The following EPB41L1 variants were observed in gnomAD, a reference collection of about 807,000 sequenced individuals.
The protein encoded by EPB41L1 is band 4.1-like protein 1.
EPB41L1 carries 29 observed loss-of-function variants against 97.8 expected under a neutral mutation model. The ratio of observed to expected loss-of-function variants is 0.30; its 90% CI spans 0.22 to 0.40. The LOEUF is 0.40. EPB41L1 is among the 10% of genes least tolerant of loss of function. The pLI, the probability that EPB41L1 is intolerant of heterozygous loss-of-function variation, is 1.00. For missense variants in EPB41L1, 812 were observed against 1,162.3 expected (o/e 0.70, Z 4.38); for synonymous variants, 383 against 459.2 (o/e 0.83, Z 2.12).
At chr20:36,126,116 C>T (rs1026586547) in intron 2 of EPB41L1, among the ~76,000 whole-genome samples, 4 of 152,066 alleles carry the variant, frequency 2.6e-5, no homozygotes, top group African/African-American at 9.7e-5. Context: ...CCCTGAGAAA[C>T]CTCTCTTTTA....
intron 11 of EPB41L1, among the ~76,000 whole-genome samples, chr20:36,193,546 G>A (rs1394985935): frequency 1.3e-5 from 2 of 152,136 alleles, no homozygotes; most frequent in African/African-American, 4.8e-5. Flanking sequence ...TGCGTGATGC[G>A]AAGTCTAGTT....
Position 36,195,449 on chromosome 20 carries a change from A to T in EPB41L1, c.1485+85A>T. On this transcript the variant is annotated intron_variant, in intron 13 of 21. Coordinates refer to ENST00000338074, the MANE Select transcript of EPB41L1 (RefSeq NM_012156.2). This position sits in a 1 kb window ranked among gnomAD's most constrained non-coding sequence, Gnocchi z 4.6. The stretch of plus-strand genomic sequence containing the variant: ...CCATCCCACAGTCCATCCCAGGCTC[A>T]CTTCCCTGGCACCATCTCAGCTTCA... The T allele has an allele frequency of 1.3e-6, 2 of 1,495,984 alleles. No individual in the cohort carries two copies. Among genetic ancestry groups the T allele is most frequent in the Non-Finnish European group, 9.3e-7 (1 of 1,075,230 alleles). 92.7% of individuals were successfully genotyped at this position (1,495,984 alleles called of 1,614,324 possible). A position where few individuals can be genotyped will look rare whatever the true frequency, so the allele number is the denominator to read the frequency against.
intron 1 of EPB41L1, 147 bp from the exon 2 acceptor site, chr20:36,173,615 CCT>C (rs2061089728): frequency 1.4e-6 from 1 of 733,784 alleles, no homozygotes; most frequent in East Asian, 2.7e-5. Context: ...CTCCCCACTT[CCT>C]CTGTCTCTCC....
chr20:36,107,754 G>A lies in EPB41L1; in HGVS notation c.-64-4672G>A, dbSNP rs548026935. Reference sequence around the variant, plus strand: ...TGAGGCAGGAGAATTGCTGGAACCTGGGAGGTGGAGATTGCAGTGAGCTGA... The same window carrying A: ...TGAGGCAGGAGAATTGCTGGAACCTAGGAGGTGGAGATTGCAGTGAGCTGA... On this transcript the variant is annotated intron_variant, in intron 1 of 19. Coordinates refer to the EPB41L1 transcript ENST00000202028. Among the ~76,000 whole-genome samples the A allele has an allele frequency of 3.3e-5, 5 of 151,792 alleles. No homozygotes were observed. In the East Asian group the frequency reaches 8.0e-4, roughly 24 times the overall value.
upstream of EPB41L1, chr20:36,149,872 A>T (rs1323745506): frequency 6.6e-6 from 1 of 152,280 alleles, no homozygotes; most frequent in Non-Finnish European, 1.5e-5. Flanking sequence ...GCCTTTTCTG[A>T]TCCCTATGGG....
chr20:36,150,300 A>C (rs1230245720), upstream of EPB41L1: 1 of 152,122 alleles, frequency 6.6e-6, no homozygotes, highest in Non-Finnish European at 1.5e-5. Context: ...CGAACTCCTG[A>C]CCTCAGGTAA....
At chr20:36,229,180 C>A in intron 21 of EPB41L1, 152 bp from the exon 22 acceptor site, 2 of 667,944 alleles carry the variant, frequency 3.0e-6, no homozygotes, top group South Asian at 3.6e-5. Context: ...CTTGCTGAGT[C>A]ACAATAAAGG....
chr20:36,160,512 A>G (rs1451910750), intron 1 of EPB41L1, among the ~76,000 whole-genome samples: 1 of 151,974 alleles, frequency 6.6e-6, no homozygotes, highest in Non-Finnish European at 1.5e-5. Context: ...TTGCACCCGG[A>G]AGGCAGAGGT....
At chr20:36,113,606 A>T (rs1569037473) in intron 2 of EPB41L1, 1 of 152,410 alleles carries the variant, frequency 6.6e-6, no homozygotes, top group Non-Finnish European at 1.5e-5. Flanking sequence ...AGCTCGGTTA[A>T]AAGGAGCGAT....
At chr20:36,176,903 A>G (rs2061262096) in intron 3 of EPB41L1, among the ~76,000 whole-genome samples, 1 of 152,118 alleles carries the variant, frequency 6.6e-6, no homozygotes, top group African/African-American at 2.4e-5. Context: ...AAGTGCTGGG[A>G]TTACAGGCAT....
At chr20:36,133,883 A>G (rs1173074193) in intron 2 of EPB41L1, among the ~76,000 whole-genome samples, 1 of 151,916 alleles carries the variant, frequency 6.6e-6, no homozygotes, top group Non-Finnish European at 1.5e-5. Flanking sequence ...AGTAACAATA[A>G]TATCCATCAT....
chr20:36,095,005 C>T (rs1601180114), intron 1 of EPB41L1, among the ~76,000 whole-genome samples: 1 of 151,396 alleles, frequency 6.6e-6, no homozygotes, highest in East Asian at 1.9e-4. Context: ...GAGTTTCACT[C>T]TTGTCGCCTA....
chr20:36,103,888 TAG>T (rs2058103186), intron 1 of EPB41L1, among the ~76,000 whole-genome samples: 1 of 151,950 alleles, frequency 6.6e-6, no homozygotes, highest in Admixed American at 6.6e-5. Context: ...GGATTTTTAG[TAG>T]AGACAGGGTT....
rs924414963 is a variant in EPB41L1 at position 36,093,614 on chromosome 20, A to C, written c.-65+2002A>C. 6.7e-6 allele frequency among the ~76,000 whole-genome samples: 1 copy of C among 150,346 alleles called. No homozygotes were observed. The highest frequency in any genetic ancestry group is 1.5e-5 in the Non-Finnish European group (1 of 67,700). The stretch of plus-strand genomic sequence containing the variant: ...CGGGGGTCGGGGGAACTGGGCTGAC[A>C]GCAGAGCCCGCGTTCTGACCTGAGC... On this transcript the variant is annotated intron_variant, in intron 1 of 19. Coordinates refer to the EPB41L1 transcript ENST00000202028. The surrounding 1 kb of genome is among the most constrained non-coding windows in gnomAD (Gnocchi z 5.4).
intron 14 of EPB41L1, chr20:36,200,824 T>C (rs1038792412): frequency 2.2e-6 from 1 of 453,044 alleles, no homozygotes; most frequent in African/African-American, 2.0e-5. Context: ...TGTCTCTCCT[T>C]CCCTTCCTCC....
In EPB41L1 at chr20:36,206,577, G is replaced by A. The variant is rs2062827953; in HGVS notation, c.1669-2911G>A. On this transcript the variant is annotated intron_variant, in intron 14 of 21. Coordinates refer to ENST00000338074, the MANE Select transcript of EPB41L1 (RefSeq NM_012156.2). The surrounding 1 kb of genome is among the most constrained non-coding windows in gnomAD (Gnocchi z 5.5). ...CCCCTCCCGGAGGTGAGCCCAGGCC[G>A]ACGCTGAATTCCTTAGACCTGAGGG... The A allele has an allele frequency of 4.7e-6, 6 of 1,289,682 alleles. No individual in the cohort carries two copies. The highest frequency in any genetic ancestry group is 1.2e-5 in the South Asian group (1 of 81,022). The allele number at this position is 1,289,682 out of a possible 1,614,324, so 79.9% of individuals were successfully genotyped here.
At chr20:36,172,665 A>C (rs1274252688) in intron 1 of EPB41L1, among the ~76,000 whole-genome samples, 1 of 152,016 alleles carries the variant, frequency 6.6e-6, no homozygotes, top group Non-Finnish European at 1.5e-5. Context: ...CAGTGGTGCA[A>C]TCTCAGCTTA....
intron 2 of EPB41L1, among the ~76,000 whole-genome samples, chr20:36,125,016 G>A (rs929175878): frequency 6.6e-6 from 1 of 152,138 alleles, no homozygotes; most frequent in East Asian, 1.9e-4. Context: ...AAAGAGTTTA[G>A]ACTTCCTGAA....
rs1600981661 is a variant in EPB41L1 at position 36,209,503 on chromosome 20, G to A, written c.1684G>A (p.Glu562Lys). The A allele has an allele frequency of 3.1e-6, 5 of 1,613,940 alleles. No individual in the cohort carries two copies. Among genetic ancestry groups the A allele is most frequent in the Non-Finnish European group, 3.4e-6 (4 of 1,179,970 alleles). Reference sequence around the variant, plus strand: ...CTGGCCATAGAGAGCAGGGCTGAGGGAGGGCTCCGAGGAGAAAGTCAAACC... The same window carrying A: ...CTGGCCATAGAGAGCAGGGCTGAGGAAGGGCTCCGAGGAGAAAGTCAAACC... Reference protein sequence around the residue: ...EKANERAGLREGSEEKVKPPR... With the variant: ...EKANERAGLRKGSEEKVKPPR... Residue 562 changes from glutamate to lysine, a missense_variant, in exon 15 of 22, where the codon GAG becomes AAG. Glu to Lys is a moderately conservative substitution (Grantham distance 56, BLOSUM62 1). Transcript: ENST00000338074. The surrounding 1 kb of genome is among the most constrained non-coding windows in gnomAD (Gnocchi z 4.2).
Sources: allele counts gnomAD v4.1 joint callset (sites outside exome capture counted in the v4.1 genomes callset), GRCh38; gene constraint gnomAD v4.1.1; non-coding constraint Gnocchi (gnomAD v3.1); transcripts MANE v1.5; gene names NCBI Gene and HGNC (gene_info 2026-07-23, HGNC 2026-07-21).